STARD13: variants seen among roughly 807,000 people sequenced by gnomAD.
The protein encoded by STARD13 is stAR-related lipid transfer protein 13.
Under a neutral mutation model 106.4 loss-of-function variants are expected in STARD13, and 62 were observed. That is an observed-to-expected ratio of 0.58 (90% CI 0.48 to 0.72). The LOEUF (loss-of-function observed/expected upper bound fraction) is 0.72. Among genes scored for constraint, STARD13 ranks in the 30% least tolerant of loss-of-function variants. The probability of loss-of-function intolerance (pLI) is 0.00; values close to 1 mark genes in which losing one functional copy is unlikely to be tolerated. For synonymous variants in STARD13, 565 were observed against 553.0 expected (o/e 1.02, Z -0.31); for missense variants, 1,387 against 1,424.0 (o/e 0.97, Z 0.42).
chr13:33,543,978 A>G, the STARD13 span, among the ~76,000 whole-genome samples: 1 of 152,266 alleles, frequency 6.6e-6, no homozygotes, highest in African/African-American at 2.4e-5. Flanking sequence ...GAACCAGTAG[A>G]GAGCTACATA....
chr13:33,352,412 T>C (rs1383237060), upstream of STARD13, among the ~76,000 whole-genome samples: 1 of 152,240 alleles, frequency 6.6e-6, no homozygotes, highest in Non-Finnish European at 1.5e-5. Flanking sequence ...TAACATTATA[T>C]ACACGGGAAC....
At chr13:33,164,874 A>G (rs886875603) in intron 3 of STARD13, among the ~76,000 whole-genome samples, 1 of 152,052 alleles carries the variant, frequency 6.6e-6, no homozygotes, top group Non-Finnish European at 1.5e-5. Flanking sequence ...TAATCACTTG[A>G]CTTTGCAAAA....
chr13:33,109,865 A>AGGCTCACCT lies in STARD13; in HGVS notation c.3046_3047+7dup. The AGGCTCACCT allele has an allele frequency of 6.2e-7, 1 of 1,613,756 alleles. No homozygotes were observed. The highest frequency in any genetic ancestry group is 8.5e-7 in the Non-Finnish European group (1 of 1,179,594). ...ACAGAACATCATAAACCCTAGAGTC[A>AGGCTCACCT]GGCTCACCTGAGAACCACAAAGTCT... On this transcript the variant is annotated splice_region_variant and intron_variant, in intron 12 of 13. Transcript: ENST00000336934.
chr13:33,460,816 T>C, the STARD13 span, among the ~76,000 whole-genome samples: 3 of 152,234 alleles, frequency 2.0e-5, no homozygotes, highest in Non-Finnish European at 4.4e-5. Flanking sequence ...ATTTTAAAGC[T>C]ATATTATCAT....
chr13:33,438,316 A>T, the STARD13 span, among the ~76,000 whole-genome samples: 8 of 152,354 alleles, frequency 5.3e-5, no homozygotes, highest in South Asian at 1.7e-3. Flanking sequence ...TTGCTGATGT[A>T]AATGCAGTAT....
intron 3 of STARD13, among the ~76,000 whole-genome samples, chr13:33,144,583 G>T (rs768422155): frequency 6.6e-6 from 1 of 152,180 alleles, no homozygotes; most frequent in Non-Finnish European, 1.5e-5. Flanking sequence ...CTCTGACTAC[G>T]CATTCATTAG....
chr13:33,418,748 G>T, the STARD13 span, among the ~76,000 whole-genome samples: 3 of 152,178 alleles, frequency 2.0e-5, no homozygotes, highest in African/African-American at 7.2e-5. Flanking sequence ...CCAGAGGAAG[G>T]ATAAGCCTGC....
At chr13:33,371,532 T>A in the STARD13 span, among the ~76,000 whole-genome samples, 1 of 152,232 alleles carries the variant, frequency 6.6e-6, no homozygotes, top group African/African-American at 2.4e-5. Flanking sequence ...AAGAATTGAT[T>A]AATATGCTGC....
chr13:33,544,832 G>C, the STARD13 span, among the ~76,000 whole-genome samples: 3 of 142,958 alleles, frequency 2.1e-5, no homozygotes, highest in Admixed American at 7.2e-5. Flanking sequence ...GGAGTGCAGT[G>C]GCCAGATTTC....
At chr13:33,127,747 C>T (rs1877427683) in intron 5 of STARD13, among the ~76,000 whole-genome samples, 1 of 152,096 alleles carries the variant, frequency 6.6e-6, no homozygotes, top group Non-Finnish European at 1.5e-5. Flanking sequence ...TGGAAAAAGT[C>T]TTATTATCCA....
intron 1 of STARD13, among the ~76,000 whole-genome samples, chr13:33,293,143 G>C (rs73468179): frequency 6.6e-6 from 1 of 152,158 alleles, no homozygotes. Context: ...AGTGAAGGCA[G>C]TATCCCCTTA....
rs776796055 is a variant in STARD13 at position 33,167,541 on chromosome 13, G to C, written c.241+10C>G. 1.2e-6 allele frequency: 2 copies of C among 1,613,914 alleles called. No individual in the cohort carries two copies. Among genetic ancestry groups the C allele is most frequent in the South Asian group, 2.2e-5 (2 of 91,072 alleles). On this transcript the variant is annotated intron_variant, in intron 2 of 13. Transcript: ENST00000336934. ...TCTCTGTGTAAGAGCGAAGCGAAGGGCTGACGTACCCTCATATAACTGAGC... is the reference window on the plus strand; with the variant it reads ...TCTCTGTGTAAGAGCGAAGCGAAGGCCTGACGTACCCTCATATAACTGAGC...
the STARD13 span, among the ~76,000 whole-genome samples, chr13:33,435,010 G>A: frequency 6.6e-6 from 1 of 152,182 alleles, no homozygotes; most frequent in African/African-American, 2.4e-5. Context: ...GTTGGGGAAA[G>A]AGTCAACTTC....
chr13:33,200,887 A>G (rs749891801), intron 1 of STARD13, among the ~76,000 whole-genome samples: 102 of 152,000 alleles, frequency 6.7e-4, no homozygotes, highest in East Asian at 9.7e-4. Context: ...TTAGCCGGGC[A>G]TGGTGGCAGG....
In STARD13 at chr13:33,302,659, G is replaced by A. The variant is rs368883544; in HGVS notation, c.124+47631C>T. Among the ~76,000 whole-genome samples the A allele has an allele frequency of 1.9e-3, 284 of 152,096 alleles. 1 individual carries two copies. Among genetic ancestry groups the A allele is most frequent in the Middle Eastern group, 6.8e-3 (2 of 294 alleles). ...TACACTCAAGCAATCCTCCCACCTC[G>A]GCCTCCCAAAATGTTGGAATTACGG... On this transcript the variant is annotated intron_variant, in intron 1 of 5. Coordinates refer to the STARD13 transcript ENST00000567873.
chr13:33,378,562 G>A, the STARD13 span, among the ~76,000 whole-genome samples: 1,240 of 152,210 alleles, frequency 8.1e-3, 20 homozygotes, highest in African/African-American at 0.029. Context: ...AGGCCGAGGC[G>A]GGCGGATCAC....
At chr13:33,612,891 T>G in the STARD13 span, among the ~76,000 whole-genome samples, 1 of 152,194 alleles carries the variant, frequency 6.6e-6, no homozygotes, top group Non-Finnish European at 1.5e-5. Flanking sequence ...CCAGATAATC[T>G]GTTATGCAAG....
the STARD13 span, among the ~76,000 whole-genome samples, chr13:33,544,688 A>G: frequency 7.2e-5 from 11 of 152,040 alleles, no homozygotes; most frequent in African/African-American, 2.2e-4. Context: ...CTAATAGGCT[A>G]GTACCATGTA....
chr13:33,240,894 C>T (rs1889451911), intron 1 of STARD13, among the ~76,000 whole-genome samples: 1 of 152,120 alleles, frequency 6.6e-6, no homozygotes. Context: ...AGCAATGCAA[C>T]TGATGTTCGC....
Sources: gnomAD v4.1 joint callset for allele counts (sites outside exome capture counted in the v4.1 genomes callset) on GRCh38, gnomAD v4.1.1 for gene constraint, MANE v1.5 for transcripts, NCBI Gene and HGNC (gene_info 2026-07-23, HGNC 2026-07-21) for gene names.